Variants in KIF26B observed in about 807,000 individuals in gnomAD.
KIF26B encodes kinesin-like protein KIF26B.
KIF26B carries 63 observed loss-of-function variants against 151.2 expected under a neutral mutation model. That is an observed-to-expected ratio of 0.42 (90% CI 0.34 to 0.51). The LOEUF (loss-of-function observed/expected upper bound fraction) is 0.51, where lower values mean the gene tolerates loss of function less well. Among genes scored for constraint, KIF26B ranks in the 20% least tolerant of loss-of-function variants. The probability of loss-of-function intolerance (pLI) is 0.07; values close to 1 mark genes in which losing one functional copy is unlikely to be tolerated. For missense variants in KIF26B, 2,813 were observed against 2,913.6 expected, an observed-to-expected ratio of 0.97 and a Z score of 0.79; for synonymous variants, 1,357 against 1,262.1, an observed-to-expected ratio of 1.08 and a Z score of -1.59.
At chr1:245,245,925 CAAA>C (rs60181356) in intron 2 of KIF26B, among the ~76,000 whole-genome samples, 9 of 111,652 alleles carry the variant, frequency 8.1e-5, no homozygotes, top group Admixed American at 2.0e-4. Flanking sequence ...GACTCCGTCT[CAAA>C]AAAAAAAAAA....
At chr1:245,365,518 C>CCA (rs1558404315) in intron 2 of KIF26B, among the ~76,000 whole-genome samples, 1 of 151,092 alleles carries the variant, frequency 6.6e-6, no homozygotes, top group African/African-American at 2.5e-5. Flanking sequence ...ACAACTCCCC[C>CCA]CCACCAGCCT....
At chr1:245,421,276 C>T (rs924636544) in intron 4 of KIF26B, among the ~76,000 whole-genome samples, 13 of 152,134 alleles carry the variant, frequency 8.5e-5, no homozygotes, top group African/African-American at 3.1e-4. Context: ...ACTAAGAAGC[C>T]ATGGCATGGC....
chr1:245,173,466 G>A (rs1196681247), intron 2 of KIF26B, among the ~76,000 whole-genome samples: 1 of 152,180 alleles, frequency 6.6e-6, no homozygotes, highest in Non-Finnish European at 1.5e-5. Context: ...CGGCTCATGA[G>A]GGTAATCATG....
At chr1:245,668,752 C>A (rs554614452) in intron 10 of KIF26B, among the ~76,000 whole-genome samples, 1 of 152,122 alleles carries the variant, frequency 6.6e-6, no homozygotes, top group African/African-American at 2.4e-5. Flanking sequence ...TGCAGTGGCA[C>A]AATCTTGGCT....
chr1:245,391,557 C>T (rs577291737), intron 3 of KIF26B, among the ~76,000 whole-genome samples: 1 of 151,132 alleles, frequency 6.6e-6, no homozygotes, highest in East Asian at 2.0e-4. Flanking sequence ...TTTGGCAGGC[C>T]AATTTGGGAG....
intron 9 of KIF26B, among the ~76,000 whole-genome samples, chr1:245,631,962 GT>G (rs1175462732): frequency 6.6e-6 from 1 of 151,870 alleles, no homozygotes; most frequent in Non-Finnish European, 1.5e-5. Flanking sequence ...TAGTCTAACA[GT>G]TTAATCAATT....
At chr1:245,275,578 A>G (rs1364961497) in intron 2 of KIF26B, among the ~76,000 whole-genome samples, 1 of 152,168 alleles carries the variant, frequency 6.6e-6, no homozygotes, top group Non-Finnish European at 1.5e-5. Context: ...CCATTTATTA[A>G]ATAGGGAATC....
intron 2 of KIF26B, among the ~76,000 whole-genome samples, chr1:245,246,564 A>G (rs1670333967): frequency 6.6e-6 from 1 of 152,128 alleles, no homozygotes; most frequent in African/African-American, 2.4e-5. Context: ...AAGCGTTGGC[A>G]CCTGACCCCA....
chr1:245,690,744 G>C (rs577840413), intron 12 of KIF26B, among the ~76,000 whole-genome samples: 5 of 151,720 alleles, frequency 3.3e-5, no homozygotes, highest in African/African-American at 7.3e-5. Context: ...TTTGCCTGGG[G>C]GGGGGGTATG....
At chr1:245,433,467 A>G (rs1362776827) in intron 4 of KIF26B, among the ~76,000 whole-genome samples, 1 of 98,852 alleles carries the variant, frequency 1.0e-5, no homozygotes, top group Non-Finnish European at 1.9e-5. Context: ...ACTCTGTCTC[A>G]AAAAAAAAAA....
chr1:245,688,334 C>T lies in KIF26B; in HGVS notation c.5351C>T (p.Thr1784Met), dbSNP rs765451111. Residue 1784 changes from threonine (T) to methionine (M), a missense_variant, in exon 12 of 15, where the codon ACG becomes ATG. Physicochemically the swap from Thr to Met is moderately conservative, Grantham distance 81. This residue lies in a region of KIF26B where 2,060 missense variants were observed against 2,088.6 expected (regional missense o/e 0.99). Transcript: ENST00000407071. The stretch of plus-strand genomic sequence containing the variant: ...GGTGGGAAGCACACGCCCTGGTCCA[C>T]GCAGTCCCTCAGCAGGAACAGGAGC... ...PPGGKHTPWS[T>M]QSLSRNRSSG... 3.1e-6 allele frequency: 5 copies of T among 1,590,034 alleles called. No homozygotes were observed. The highest frequency in any genetic ancestry group is 3.4e-5 in the Admixed American group (2 of 58,990).
intron 2 of KIF26B, among the ~76,000 whole-genome samples, chr1:245,307,135 C>G (rs1412481612): frequency 6.6e-6 from 1 of 152,140 alleles, no homozygotes; most frequent in Non-Finnish European, 1.5e-5. Context: ...TAACTTTTGG[C>G]TGCACTCTTA....
chr1:245,479,478 TTTG>T (rs990637316), intron 4 of KIF26B, among the ~76,000 whole-genome samples: 2 of 151,666 alleles, frequency 1.3e-5, no homozygotes, highest in Non-Finnish European at 3.0e-5. Context: ...TCAGAGTTTT[TTTG>T]TTGTTGTTGT....
At chr1:245,689,515 C>A (rs1267335675) in intron 12 of KIF26B, among the ~76,000 whole-genome samples, 1 of 152,254 alleles carries the variant, frequency 6.6e-6, no homozygotes, top group Non-Finnish European at 1.5e-5. Flanking sequence ...GCCACACACA[C>A]CATGATGCCT....
In KIF26B at chr1:245,319,582, G is replaced by A. The variant is rs751920668; in HGVS notation, c.466-47252G>A. 2.6e-5 allele frequency among the ~76,000 whole-genome samples: 4 copies of A among 150,992 alleles called. No individual in the cohort carries two copies. The South Asian group carries it at 6.3e-4, about 24-fold the overall frequency. On this transcript the variant is annotated intron_variant, in intron 2 of 14. Coordinates refer to ENST00000407071, the MANE Select transcript of KIF26B (RefSeq NM_018012.4). ...CTGTATCTGGATTACAAACTATTCC[G>A]TGATCTCCAAACTTTGTCCTCTCGT...
At chr1:245,502,529 C>CAAAA (rs10596275) in intron 4 of KIF26B, among the ~76,000 whole-genome samples, 1 of 96,750 alleles carries the variant, frequency 1.0e-5, no homozygotes, top group Non-Finnish European at 2.1e-5. Flanking sequence ...GATTCTGTCT[C>CAAAA]AAAAAAAAAA....
intron 4 of KIF26B, among the ~76,000 whole-genome samples, chr1:245,513,110 C>T (rs1660871097): frequency 6.6e-6 from 1 of 152,024 alleles, no homozygotes; most frequent in Non-Finnish European, 1.5e-5. Context: ...CGAGTTTCTG[C>T]TCACTAACAG....
At chr1:245,699,161 C>T in intron 14 of KIF26B, 124 bp downstream of exon 14, 1 of 1,000,096 alleles carries the variant, frequency 1.0e-6, no homozygotes, top group Non-Finnish European at 1.5e-6. Flanking sequence ...GGATGCCCAT[C>T]AAATGGAGGA....
chr1:245,450,121 T>G (rs1659352764), intron 4 of KIF26B, among the ~76,000 whole-genome samples: 1 of 152,196 alleles, frequency 6.6e-6, no homozygotes, highest in African/African-American at 2.4e-5. Context: ...GTGGTGAGTT[T>G]GCTTGTTCTC....
Sources: gnomAD v4.1 joint callset for allele counts (sites outside exome capture counted in the v4.1 genomes callset) on GRCh38, gnomAD v4.1.1 for gene constraint, gnomAD v4.1.1 regional missense constraint, MANE v1.5 for transcripts, NCBI Gene and HGNC (gene_info 2026-07-23, HGNC 2026-07-21) for gene names.